SUGCT: variants seen among roughly 807,000 people sequenced by gnomAD.
SUGCT encodes the protein succinyl-CoA:glutarate CoA-transferase.
A neutral mutation model predicts 55.0 loss-of-function variants in SUGCT; 41 were observed. The ratio of observed to expected loss-of-function variants is 0.74; its 90% CI spans 0.58 to 0.97. The LOEUF is 0.97. Ranked by LOEUF, SUGCT falls within the 50% of genes least tolerant of loss-of-function variation. SUGCT has a pLI of 0.00. For synonymous variants in SUGCT, 187 were observed against 200.4 expected, an observed-to-expected ratio of 0.93 and a Z score of 0.56; for missense variants, 568 against 547.8, an observed-to-expected ratio of 1.04 and a Z score of -0.37.
intron 10 of SUGCT, among the ~76,000 whole-genome samples, chr7:40,450,003 AC>A (rs1390366409): frequency 1.3e-5 from 2 of 152,200 alleles, no homozygotes; most frequent in African/African-American, 4.8e-5. Context: ...ATCTTGGATC[AC>A]TGCAACCTCT....
intron 12 of SUGCT, among the ~76,000 whole-genome samples, chr7:40,623,987 T>C (rs563580651): frequency 6.6e-6 from 1 of 152,330 alleles, no homozygotes; most frequent in East Asian, 1.9e-4. Context: ...TGGGCCAAAA[T>C]ACCAAGAAGG....
chr7:40,272,083 C>G (rs1327946272), intron 7 of SUGCT, among the ~76,000 whole-genome samples: 2 of 123,516 alleles, frequency 1.6e-5, no homozygotes, highest in Non-Finnish European at 3.3e-5. Flanking sequence ...CTCTCTCTCT[C>G]TCTCTCTCTC....
At chr7:40,566,034 C>T (rs1460776271) in intron 12 of SUGCT, among the ~76,000 whole-genome samples, 1 of 149,506 alleles carries the variant, frequency 6.7e-6, no homozygotes, top group African/African-American at 2.5e-5. Context: ...CGAATATAAG[C>T]TTCATAAACT....
At chr7:40,632,346 T>G (rs182540463) in intron 12 of SUGCT, among the ~76,000 whole-genome samples, 43 of 152,046 alleles carry the variant, frequency 2.8e-4, no homozygotes, top group African/African-American at 9.2e-4. Context: ...AACTAGTAAA[T>G]GCCAAACCTG....
chr7:40,859,703 A>G (rs1206729806), intron 13 of SUGCT, among the ~76,000 whole-genome samples: 1 of 152,236 alleles, frequency 6.6e-6, no homozygotes, highest in Non-Finnish European at 1.5e-5. Context: ...TATGGTGTGA[A>G]GTTCAGCAAT....
At chr7:40,846,159 T>C (rs1793544635) in intron 13 of SUGCT, among the ~76,000 whole-genome samples, 1 of 152,208 alleles carries the variant, frequency 6.6e-6, no homozygotes, top group Non-Finnish European at 1.5e-5. Flanking sequence ...GCTATAGACT[T>C]CAGCTGAACC....
rs34209472 is a variant in SUGCT, at chr7:40,166,886, C to CA, written c.101-14044dup. Among the ~76,000 whole-genome samples the CA allele has an allele frequency of 1.0e-3, 122 of 118,708 alleles. 1 individual carries two copies. Among genetic ancestry groups the CA allele is most frequent in the East Asian group, 4.1e-3 (16 of 3,870 alleles). 77.9% of individuals were successfully genotyped at this position (118,708 alleles called of 152,430 possible). A position where few individuals can be genotyped will look rare whatever the true frequency, so the allele number is the denominator to read the frequency against. ...TGGGTGACAGAGTGAGACTCCACCT[C>CA]AAAAAAAAAAAAAAAAAGAACAATT... On this transcript the variant is annotated intron_variant, in intron 1 of 13. Coordinates refer to ENST00000335693, the MANE Select transcript of SUGCT (RefSeq NM_001193313.2).
the SUGCT span, among the ~76,000 whole-genome samples, chr7:40,932,857 G>A: frequency 6.6e-6 from 1 of 150,844 alleles, no homozygotes; most frequent in East Asian, 2.0e-4. Context: ...CCTCAATACA[G>A]CACACTGATG....
At chr7:40,922,608 ACTGTAGCTTCT>A in the SUGCT span, among the ~76,000 whole-genome samples, 1 of 152,166 alleles carries the variant, frequency 6.6e-6, no homozygotes, top group Non-Finnish European at 1.5e-5. Context: ...ATCAACAATG[ACTGTAGCTTCT>A]CTTGAAAGAA....
At chr7:40,518,956 T>C (rs1236443056) in intron 12 of SUGCT, among the ~76,000 whole-genome samples, 3 of 152,098 alleles carry the variant, frequency 2.0e-5, no homozygotes, top group Non-Finnish European at 2.9e-5. Context: ...GGGAATATAA[T>C]AAGTTTTCTT....
intron 8 of SUGCT, among the ~76,000 whole-genome samples, chr7:40,306,388 G>T (rs1182892612): frequency 2.6e-5 from 4 of 152,050 alleles, no homozygotes; most frequent in African/African-American, 9.7e-5. Context: ...TTGTAGCATT[G>T]ATCATTTCTA....
chr7:40,887,289 G>C, the SUGCT span, among the ~76,000 whole-genome samples: 1 of 152,206 alleles, frequency 6.6e-6, no homozygotes, highest in Non-Finnish European at 1.5e-5. Flanking sequence ...GAGTCAGAAA[G>C]ACCATACATA....
At chr7:40,279,338 T>G (rs1217666128) in intron 8 of SUGCT, among the ~76,000 whole-genome samples, 1 of 152,078 alleles carries the variant, frequency 6.6e-6, no homozygotes, top group African/African-American at 2.4e-5. Flanking sequence ...GCATAAGCAA[T>G]TCCTGGTACT....
intron 12 of SUGCT, among the ~76,000 whole-genome samples, chr7:40,601,578 T>C (rs1798287659): frequency 6.6e-6 from 1 of 152,240 alleles, no homozygotes. Context: ...ACAGGAACCT[T>C]ACGCTTTGTC....
intron 6 of SUGCT, among the ~76,000 whole-genome samples, chr7:40,212,794 A>G (rs926523803): frequency 6.6e-6 from 1 of 152,132 alleles, no homozygotes; most frequent in African/African-American, 2.4e-5. Context: ...TGGCCTCCCA[A>G]AGTGCTGGGA....
chr7:40,821,281 A>T (rs902092447), intron 13 of SUGCT, among the ~76,000 whole-genome samples: 4 of 152,198 alleles, frequency 2.6e-5, no homozygotes, highest in African/African-American at 9.6e-5. Context: ...TGGCCTCATA[A>T]AATGAGTAGG....
intron 12 of SUGCT, among the ~76,000 whole-genome samples, chr7:40,533,908 A>G (rs1381169310): frequency 6.6e-6 from 1 of 152,014 alleles, no homozygotes; most frequent in Non-Finnish European, 1.5e-5. Context: ...ATGTACACAA[A>G]TAACTTACAG....
chr7:40,493,832 C>T (rs536232769), intron 11 of SUGCT, among the ~76,000 whole-genome samples: 1 of 152,254 alleles, frequency 6.6e-6, no homozygotes, highest in South Asian at 2.1e-4. Flanking sequence ...AAGGATTCCA[C>T]ATCCGATTTA....
the SUGCT span, among the ~76,000 whole-genome samples, chr7:40,885,348 CTTCTT>C: frequency 2.0e-5 from 3 of 152,160 alleles, no homozygotes; most frequent in Non-Finnish European, 4.4e-5. Context: ...CCACTTCTTC[CTTCTT>C]TTAATGGAGC....
Sources: allele counts gnomAD v4.1 joint callset (sites outside exome capture counted in the v4.1 genomes callset), GRCh38; gene constraint gnomAD v4.1.1; transcripts MANE v1.5; gene names NCBI Gene and HGNC (gene_info 2026-07-23, HGNC 2026-07-21).